Variants in HOXC5 observed in about 807,000 individuals in gnomAD.
HOXC5 encodes the protein homeobox protein Hox-C5.
Under a neutral mutation model 20.1 loss-of-function variants are expected in HOXC5, and 19 were observed. The observed-to-expected ratio is 0.94, with a 90% confidence interval of 0.66 to 1.38. HOXC5 has a LOEUF of 1.38. Among genes scored for constraint, HOXC5 ranks in the 40% most tolerant of loss-of-function variants. The pLI is 0.00. For synonymous variants in HOXC5, 124 were observed against 117.0 expected, an observed-to-expected ratio of 1.06 and a Z score of -0.39; for missense variants, 330 against 300.1, an observed-to-expected ratio of 1.10 and a Z score of -0.74.
At chr12:54,019,401 A>G in the HOXC5 span, among the ~76,000 whole-genome samples, 1 of 152,060 alleles carries the variant, frequency 6.6e-6, no homozygotes, top group African/African-American at 2.4e-5. Context: ...AGTCTGTGGG[A>G]CCTGAAAAGG....
At chr12:54,018,613 T>C in the HOXC5 span, among the ~76,000 whole-genome samples, 2 of 152,316 alleles carry the variant, frequency 1.3e-5, no homozygotes, top group African/African-American at 4.8e-5. Context: ...TACGTGGCCC[T>C]GAATGTGTTG....
At chr12:54,030,098 C>A, upstream of HOXC5, 1 of 884,540 alleles carries the variant, frequency 1.1e-6, no homozygotes, top group Non-Finnish European at 1.7e-6. Context: ...GGGAGTCAAA[C>A]GTGGACCTGA....
At chr12:54,024,073 C>A in the HOXC5 span, among the ~76,000 whole-genome samples, 1 of 152,210 alleles carries the variant, frequency 6.6e-6, no homozygotes, top group Non-Finnish European at 1.5e-5. Flanking sequence ...ACTGAGCAGT[C>A]GCTCCAGAAC....
chr12:54,031,069 A>C (rs908228788), upstream of HOXC5, among the ~76,000 whole-genome samples: 2 of 152,204 alleles, frequency 1.3e-5, no homozygotes, highest in African/African-American at 4.8e-5. Flanking sequence ...GCCGCGTAGG[A>C]TTTTGTTGCG....
upstream of HOXC5, chr12:54,032,997 TAAAG>T (rs758534351): frequency 1.2e-5 from 9 of 727,094 alleles, no homozygotes; most frequent in African/African-American, 7.2e-5. Flanking sequence ...GCGCATAGGA[TAAAG>T]AAAGAGATAT....
At chr12:54,017,730 G>C in the HOXC5 span, among the ~76,000 whole-genome samples, 2 of 152,148 alleles carry the variant, frequency 1.3e-5, no homozygotes, top group Admixed American at 1.3e-4. Context: ...CACTGTGTCA[G>C]TACCTGCTTA....
At chr12:54,029,863 A>G (rs369084398), upstream of HOXC5, 1 of 1,612,530 alleles carries the variant, frequency 6.2e-7, no homozygotes, top group Non-Finnish European at 8.5e-7. Flanking sequence ...CTAATCTCAC[A>G]TCCACTCTCT....
At chr12:54,018,456 G>A in the HOXC5 span, among the ~76,000 whole-genome samples, 1 of 152,246 alleles carries the variant, frequency 6.6e-6, no homozygotes, top group East Asian at 1.9e-4. Flanking sequence ...GGGGCTGCTG[G>A]CTTATGGGGT....
At chr12:54,017,792 A>T in the HOXC5 span, among the ~76,000 whole-genome samples, 1 of 152,142 alleles carries the variant, frequency 6.6e-6, no homozygotes, top group Admixed American at 6.5e-5. Context: ...GCGGAACTGG[A>T]AGCTCAAGCT....
chr12:54,029,584 T>C (rs781712804), upstream of HOXC5: 1 of 1,516,212 alleles, frequency 6.6e-7, no homozygotes, highest in Non-Finnish European at 9.0e-7. Context: ...GTCAGGACTT[T>C]GCTAGGCGAA....
upstream of HOXC5, among the ~76,000 whole-genome samples, chr12:54,031,505 C>G (rs1940986123): frequency 6.6e-6 from 1 of 152,226 alleles, no homozygotes; most frequent in Non-Finnish European, 1.5e-5. Context: ...TTTCTCTCCT[C>G]AAACGGGTGA....
At chr12:54,023,283 C>T in the HOXC5 span, among the ~76,000 whole-genome samples, 11 of 152,152 alleles carry the variant, frequency 7.2e-5, no homozygotes, top group African/African-American at 2.2e-4. Context: ...ACCTATTTTA[C>T]GTTTTAACCT....
upstream of HOXC5, chr12:54,032,959 C>G: frequency 1.6e-6 from 1 of 622,792 alleles, no homozygotes; most frequent in Non-Finnish European, 2.7e-6. Flanking sequence ...TCACGTGACT[C>G]TATTTAAGGC....
rs1941132304 is a variant in HOXC5 at position 54,034,607 on chromosome 12, C to A, written c.*115C>A. 2 of 823,734 alleles carry A rather than the reference C, an allele frequency of 2.4e-6. No individual in the cohort carries two copies. The highest frequency in any genetic ancestry group is 2.6e-5 in the Admixed American group (1 of 38,602). 51.0% of individuals were successfully genotyped at this position (823,734 alleles called of 1,614,324 possible). A position where few individuals can be genotyped will look rare whatever the true frequency, so the allele number is the denominator to read the frequency against. ...CGGGGGCAGGTGCTGGAGCACTGGGCTCCCGGGCCCCACAGACAAAAGCGC... is the reference window on the plus strand; with the variant it reads ...CGGGGGCAGGTGCTGGAGCACTGGGATCCCGGGCCCCACAGACAAAAGCGC... On this transcript the variant is annotated 3_prime_UTR_variant, in exon 2 of 2. Transcript: ENST00000312492.
chr12:54,031,467 A>G (rs1940984948), upstream of HOXC5, among the ~76,000 whole-genome samples: 1 of 152,204 alleles, frequency 6.6e-6, no homozygotes, highest in Non-Finnish European at 1.5e-5. Context: ...CTTCTTCATT[A>G]CAGCTCCAGC....
chr12:54,018,257 C>A, the HOXC5 span, among the ~76,000 whole-genome samples: 788 of 152,368 alleles, frequency 5.2e-3, 6 homozygotes, highest in African/African-American at 0.018. Flanking sequence ...CCCTCACCCC[C>A]AGCCGCGGCC....
the HOXC5 span, among the ~76,000 whole-genome samples, chr12:54,026,595 A>T: frequency 2.6e-5 from 4 of 152,090 alleles, no homozygotes; most frequent in African/African-American, 9.7e-5. Flanking sequence ...AATACCGACA[A>T]ATTTCTGTCC....
the HOXC5 span, chr12:54,022,601 G>A: frequency 6.6e-6 from 1 of 152,006 alleles, no homozygotes; most frequent in Non-Finnish European, 1.5e-5. Context: ...AGGGAAATGA[G>A]GATGCTGTTT....
At chr12:54,030,855 C>A (rs914978209), upstream of HOXC5, 3 of 152,254 alleles carry the variant, frequency 2.0e-5, no homozygotes, top group Non-Finnish European at 4.4e-5. Flanking sequence ...GCTCGCCCGC[C>A]GGCCTCAGGG....
Sources: gnomAD v4.1 joint callset for allele counts (sites outside exome capture counted in the v4.1 genomes callset) on GRCh38, gnomAD v4.1.1 for gene constraint, MANE v1.5 for transcripts, NCBI Gene and HGNC (gene_info 2026-07-23, HGNC 2026-07-21) for gene names.